Variants in SMARCC1 observed in about 807,000 individuals in gnomAD.
SMARCC1 encodes SWI/SNF complex subunit SMARCC1.
SMARCC1 carries 43 observed loss-of-function variants against 147.4 expected under a neutral mutation model. The ratio of observed to expected loss-of-function variants is 0.29; its 90% CI spans 0.23 to 0.38. SMARCC1 has a LOEUF of 0.38. Among genes scored for constraint, SMARCC1 ranks in the 10% least tolerant of loss-of-function variants. The probability of loss-of-function intolerance (pLI) is 1.00; values close to 1 mark genes in which losing one functional copy is unlikely to be tolerated. For missense variants in SMARCC1, 1,119 were observed against 1,381.1 expected (o/e 0.81, Z 3.01); for synonymous variants, 495 against 484.4 (o/e 1.02, Z -0.29).
intron 1 of SMARCC1, among the ~76,000 whole-genome samples, chr3:47,773,415 CAA>C (rs751850101): frequency 4.4e-4 from 31 of 70,958 alleles, no homozygotes; most frequent in Admixed American, 4.5e-4. Context: ...TGTTTTTTAC[CAA>C]AAAAAAAAAA....
At chr3:47,743,368 G>A (rs905403299) in intron 3 of SMARCC1, among the ~76,000 whole-genome samples, 1 of 152,120 alleles carries the variant, frequency 6.6e-6, no homozygotes, top group Non-Finnish European at 1.5e-5. Context: ...TCCTGACAAT[G>A]CTAACCCTAT....
At chr3:47,665,149 C>A (rs2033405862) in intron 19 of SMARCC1, among the ~76,000 whole-genome samples, 1 of 152,086 alleles carries the variant, frequency 6.6e-6, no homozygotes, top group South Asian at 2.1e-4. Context: ...TAATTCTTAA[C>A]TCTGGGTTCC....
At chr3:47,734,038 T>C (rs1049849885) in intron 5 of SMARCC1, among the ~76,000 whole-genome samples, 3 of 152,000 alleles carry the variant, frequency 2.0e-5, no homozygotes, top group African/African-American at 7.2e-5. Context: ...TATACAGACA[T>C]ACACACACGT....
rs34728200 is a variant in SMARCC1 at position 47,650,276 on chromosome 3, A to AAATAATAATAAT, written c.2320+11006_2320+11017dup. Among the ~76,000 whole-genome samples, 72 of 138,490 alleles carry AAATAATAATAAT rather than the reference A, an allele frequency of 5.2e-4. 1 individual carries two copies. The highest frequency in any genetic ancestry group is 8.1e-4 in the Non-Finnish European group (52 of 63,888). The allele number at this position is 138,490 out of a possible 152,430, so 90.9% of individuals were successfully genotyped here. On this transcript the variant is annotated intron_variant, in intron 21 of 27. Transcript: ENST00000254480. ...GGGCGACAGAGCGAGACTCTGTTTA[A>AAATAATAATAAT]AATAATAATAATAATAATAATAATT... is the stretch of plus-strand genomic sequence containing the variant.
intron 19 of SMARCC1, among the ~76,000 whole-genome samples, chr3:47,663,213 A>AG (rs1402891285): frequency 2.0e-4 from 1 of 4,910 alleles, no homozygotes; most frequent in African/African-American, 5.4e-4. Context: ...AGGGGAGGGG[A>AG]GGAAGGAAGG....
chr3:47,591,990 T>C (rs1357732665), intron 26 of SMARCC1, among the ~76,000 whole-genome samples: 6 of 152,222 alleles, frequency 3.9e-5, no homozygotes, highest in African/African-American at 7.2e-5. Flanking sequence ...GGCTTTACTA[T>C]CTATGTAAGG....
chr3:47,710,545 A>G, intron 9 of SMARCC1, 138 bp downstream of exon 9: 1 of 786,448 alleles, frequency 1.3e-6, no homozygotes, highest in South Asian at 2.1e-5. Context: ...TGGAATTTTC[A>G]CCTGATGGCA....
At chr3:47,606,693 TTTTA>T (rs924164056) in intron 26 of SMARCC1, among the ~76,000 whole-genome samples, 1 of 151,998 alleles carries the variant, frequency 6.6e-6, no homozygotes, top group Admixed American at 6.6e-5. Context: ...GAAACTGAAT[TTTTA>T]TTTATTTATT....
At chr3:47,733,921 G>GTATATACA (rs1559657696) in intron 5 of SMARCC1, among the ~76,000 whole-genome samples, 1 of 146,210 alleles carries the variant, frequency 6.8e-6, no homozygotes, top group African/African-American at 2.5e-5. Context: ...ATATGTGCTT[G>GTATATACA]TATATACATA....
At chr3:47,726,687 A>G (rs557236210) in intron 6 of SMARCC1, among the ~76,000 whole-genome samples, 5 of 152,360 alleles carry the variant, frequency 3.3e-5, no homozygotes, top group African/African-American at 1.2e-4. Flanking sequence ...TAACATGAAT[A>G]AACTTTGAAG....
At chr3:47,634,548 T>C (rs1458755787) in intron 24 of SMARCC1, among the ~76,000 whole-genome samples, 1 of 152,248 alleles carries the variant, frequency 6.6e-6, no homozygotes, top group East Asian at 1.9e-4. Context: ...AGGAAACTAC[T>C]TCTGAAGTAG....
intron 26 of SMARCC1, among the ~76,000 whole-genome samples, chr3:47,607,597 G>C (rs1011713180): frequency 3.3e-5 from 5 of 152,178 alleles, no homozygotes; most frequent in African/African-American, 1.2e-4. Flanking sequence ...TGGGGTTTGG[G>C]GGGTGAACTG....
intron 3 of SMARCC1, 77 bp downstream of exon 3, chr3:47,745,831 A>AT: frequency 1.2e-6 from 1 of 848,492 alleles, no homozygotes; most frequent in Non-Finnish European, 1.8e-6. Flanking sequence ...TGCTTACAGG[A>AT]TTTTCTAACA....
chr3:47,643,811 T>C (rs946213942), intron 21 of SMARCC1, among the ~76,000 whole-genome samples: 4 of 152,142 alleles, frequency 2.6e-5, no homozygotes, highest in African/African-American at 4.8e-5. Context: ...TCAAATTAAA[T>C]ACATAACCTG....
intron 3 of SMARCC1, among the ~76,000 whole-genome samples, chr3:47,740,870 C>A (rs6801988): frequency 0.024 from 3,193 of 130,744 alleles, 30 homozygotes; most frequent in African/African-American, 0.036. Context: ...AAAAAAAAAA[C>A]AAAAACCTAC....
chr3:47,759,131 C>T (rs951552012), intron 2 of SMARCC1, among the ~76,000 whole-genome samples: 1 of 152,014 alleles, frequency 6.6e-6, no homozygotes, highest in African/African-American at 2.4e-5. Context: ...CCCACCTCAG[C>T]CTCCCAAATA....
Position 47,713,313 on chromosome 3 carries a change from G to T in SMARCC1, c.792+1102C>A, listed in dbSNP as rs992034892. Among the ~76,000 whole-genome samples the T allele has an allele frequency of 2.3e-5, 3 of 130,142 alleles. No individual in the cohort carries two copies. The South Asian group carries it at 7.1e-4, about 31-fold the overall frequency. 85.4% of individuals were successfully genotyped at this position (130,142 alleles called of 152,430 possible). On this transcript the variant is annotated intron_variant, in intron 8 of 27. Coordinates refer to ENST00000254480, the MANE Select transcript of SMARCC1 (RefSeq NM_003074.4). ...AGCCTGGGCGACAGAGCCAGACTCC[G>T]TCTCAAAATAAATAAATAAATAAAT...
chr3:47,589,955 T>C (rs1297551586), intron 27 of SMARCC1, among the ~76,000 whole-genome samples: 1 of 152,232 alleles, frequency 6.6e-6, no homozygotes, highest in Non-Finnish European at 1.5e-5. Context: ...GACCTACTAC[T>C]GGCTGCATTT....
chr3:47,673,315 G>A (rs1372405142), intron 18 of SMARCC1, among the ~76,000 whole-genome samples: 4 of 148,930 alleles, frequency 2.7e-5, no homozygotes, highest in East Asian at 2.0e-4. Flanking sequence ...GGTCGAACCC[G>A]GGAGGCAGAG....
Sources: allele counts gnomAD v4.1 joint callset (sites outside exome capture counted in the v4.1 genomes callset), GRCh38; gene constraint gnomAD v4.1.1; transcripts MANE v1.5; gene names NCBI Gene and HGNC (gene_info 2026-07-23, HGNC 2026-07-21).